CHD6: variants seen among roughly 807,000 people sequenced by gnomAD.
CHD6 encodes the protein ATP-dependent chromatin remodeler CHD6.
In CHD6, 50 loss-of-function variants were observed where a neutral mutation model predicts 276.9. That is an observed-to-expected ratio of 0.18 (90% confidence interval 0.14 to 0.23). CHD6 has a LOEUF of 0.23. Ranked by LOEUF, CHD6 falls within the 10% of genes least tolerant of loss-of-function variation. The probability of loss-of-function intolerance (pLI) is 1.00; values close to 1 mark genes in which losing one functional copy is unlikely to be tolerated. For missense variants in CHD6, 2,564 were observed against 3,365.8 expected (o/e 0.76, Z 5.89); for synonymous variants, 1,173 against 1,229.3 (o/e 0.95, Z 0.96).
chr20:41,454,491 A>G, intron 20 of CHD6, 135 bp downstream of exon 20: 1 of 630,986 alleles, frequency 1.6e-6, no homozygotes, highest in Non-Finnish European at 2.7e-6. Context: ...TGTGCCAGGC[A>G]TATTTTAAGC....
intron 16 of CHD6, among the ~76,000 whole-genome samples, chr20:41,480,037 G>A (rs991997746): frequency 1.3e-5 from 2 of 152,150 alleles, no homozygotes; most frequent in Non-Finnish European, 2.9e-5. Flanking sequence ...CAAATCCTGC[G>A]AATAGATTCC....
At chr20:41,539,511 G>A (rs1163286066) in intron 2 of CHD6, among the ~76,000 whole-genome samples, 2 of 152,186 alleles carry the variant, frequency 1.3e-5, no homozygotes, top group Non-Finnish European at 2.9e-5. Context: ...CTTCAGGATA[G>A]AGAAGTATCC....
At chr20:41,494,022 T>C (rs2043618340) in intron 8 of CHD6, 78 bp from the exon 9 acceptor site, 6 of 976,434 alleles carry the variant, frequency 6.1e-6, no homozygotes, top group East Asian at 4.8e-5. Flanking sequence ...TATCTCTAAG[T>C]GATCCCTACT....
intron 1 of CHD6, among the ~76,000 whole-genome samples, chr20:41,561,570 T>A (rs751182010): frequency 6.6e-6 from 1 of 152,188 alleles, no homozygotes; most frequent in Non-Finnish European, 1.5e-5. Context: ...CTCTCCATGG[T>A]GGACTCCTAG....
intron 2 of CHD6, among the ~76,000 whole-genome samples, chr20:41,537,685 A>T (rs2044862266): frequency 6.6e-6 from 1 of 152,236 alleles, no homozygotes; most frequent in African/African-American, 2.4e-5. Context: ...ACGAGATACT[A>T]TTTTATACCC....
chr20:41,532,900 C>T, intron 3 of CHD6, 150 bp downstream of exon 3: 1 of 834,640 alleles, frequency 1.2e-6, no homozygotes, highest in Non-Finnish European at 1.8e-6. Flanking sequence ...CAAGGGGTTA[C>T]CCCTGCTCCC....
chr20:41,518,383 T>C (rs1014955137), intron 3 of CHD6, among the ~76,000 whole-genome samples: 4 of 152,172 alleles, frequency 2.6e-5, no homozygotes, highest in South Asian at 2.1e-4. Flanking sequence ...AACTAAGGAA[T>C]AGAACTTCCT....
At chr20:41,502,529 C>T (rs2043857657) in intron 5 of CHD6, among the ~76,000 whole-genome samples, 1 of 152,216 alleles carries the variant, frequency 6.6e-6, no homozygotes, top group Non-Finnish European at 1.5e-5. Flanking sequence ...ACTACCCTGT[C>T]TTCACTCCTA....
At chr20:41,426,509 A>G (rs572861401) in intron 27 of CHD6, among the ~76,000 whole-genome samples, 5 of 152,284 alleles carry the variant, frequency 3.3e-5, no homozygotes, top group Admixed American at 2.0e-4. Context: ...GTCACTTGCA[A>G]TTTAATACTG....
chr20:41,453,793 A>G (rs2048312453), intron 20 of CHD6, among the ~76,000 whole-genome samples: 2 of 152,206 alleles, frequency 1.3e-5, no homozygotes, highest in African/African-American at 4.8e-5. Context: ...GGACTGCAGG[A>G]TCTTCTTAAA....
chr20:41,606,327 C>A (rs1024143440), intron 1 of CHD6, among the ~76,000 whole-genome samples: 2 of 152,014 alleles, frequency 1.3e-5, no homozygotes, highest in African/African-American at 4.8e-5. Context: ...CTGGCTAACA[C>A]GGTGAAACCC....
At chr20:41,546,836 G>A (rs188247989) in intron 2 of CHD6, among the ~76,000 whole-genome samples, 73 of 152,248 alleles carry the variant, frequency 4.8e-4, no homozygotes, top group Admixed American at 1.2e-3. Context: ...ACTTTTAAAC[G>A]TTTTATTAAA....
intron 2 of CHD6, among the ~76,000 whole-genome samples, chr20:41,541,248 T>C (rs531380629): frequency 4.6e-5 from 7 of 152,350 alleles, no homozygotes; most frequent in Non-Finnish European, 8.8e-5. Flanking sequence ...TGGTTTGATT[T>C]ATGAATTTTC....
At chr20:41,555,548 A>G (rs1162948040) in intron 1 of CHD6, among the ~76,000 whole-genome samples, 2 of 145,040 alleles carry the variant, frequency 1.4e-5, no homozygotes, top group African/African-American at 2.6e-5. Flanking sequence ...GGCGGTTGCC[A>G]GGCGGAGGGT....
chr20:41,435,362 G>A (rs144334909), intron 27 of CHD6, among the ~76,000 whole-genome samples: 5 of 152,230 alleles, frequency 3.3e-5, no homozygotes, highest in East Asian at 1.9e-4. Flanking sequence ...TTGGGAGGCC[G>A]GGGAGGGAGG....
intron 17 of CHD6, among the ~76,000 whole-genome samples, chr20:41,459,683 C>T (rs1449049298): frequency 6.6e-6 from 1 of 152,250 alleles, no homozygotes; most frequent in Admixed American, 6.5e-5. Flanking sequence ...CAGCCTTTCG[C>T]CTCTTGCCAT....
At chr20:41,458,150 G>A (rs1011307521) in intron 17 of CHD6, among the ~76,000 whole-genome samples, 1 of 152,154 alleles carries the variant, frequency 6.6e-6, no homozygotes, top group East Asian at 1.9e-4. Context: ...TGTACACCAA[G>A]AGGCAGATGG....
chr20:41,447,855 T>G, intron 24 of CHD6, 27 bp downstream of exon 24: 1 of 1,517,572 alleles, frequency 6.6e-7, no homozygotes, highest in Non-Finnish European at 9.1e-7. Context: ...TCTTTAACGT[T>G]GATATGTTAA....
rs1452023996 is a variant in CHD6 at position 41,451,886 on chromosome 20, T to C, written c.3463A>G (p.Ile1155Val). The C allele has an allele frequency of 6.8e-6, 11 of 1,614,160 alleles. No homozygotes were observed. Among genetic ancestry groups the C allele is most frequent in the Non-Finnish European group, 8.5e-6 (10 of 1,180,002 alleles). ...TTGGTAGGTGTGATCAGTTCCCAAA[T>C]GAAACTCTTGATCTTCTCGTCCCCC... ...YKGDEKIKSF[I>V]WELITPTKDG... Residue 1155 changes from isoleucine (I) to valine (V), a missense_variant, in exon 22 of 37, where the codon ATT becomes GTT. Ile to Val is a conservative substitution (Grantham distance 29, BLOSUM62 3). This residue lies in a region of CHD6 where 515 missense variants were observed against 739.5 expected (regional missense o/e 0.70). Coordinates refer to ENST00000373233, the MANE Select transcript of CHD6 (RefSeq NM_032221.5).
Sources: gnomAD v4.1 joint callset for allele counts (sites outside exome capture counted in the v4.1 genomes callset) on GRCh38, gnomAD v4.1.1 for gene constraint, gnomAD v4.1.1 regional missense constraint, MANE v1.5 for transcripts, NCBI Gene and HGNC (gene_info 2026-07-23, HGNC 2026-07-21) for gene names.